HS6ST3: variants seen among roughly 807,000 people sequenced by gnomAD.
HS6ST3 encodes heparan sulfate 6-O-sulfotransferase 3.
Under a neutral mutation model 36.7 loss-of-function variants are expected in HS6ST3, and 12 were observed. That is an observed-to-expected ratio of 0.33 (90% confidence interval 0.21 to 0.53). The LOEUF is 0.53. Among genes scored for constraint, HS6ST3 ranks in the 20% least tolerant of loss-of-function variants. HS6ST3 has a pLI of 0.95. For synonymous variants in HS6ST3, 240 were observed against 257.5 expected (o/e 0.93, Z 0.65); for missense variants, 584 against 640.9 (o/e 0.91, Z 0.96).
At chr13:96,114,041 T>C (rs2053882616) in intron 1 of HS6ST3, among the ~76,000 whole-genome samples, 2 of 152,162 alleles carry the variant, frequency 1.3e-5, no homozygotes, top group South Asian at 4.1e-4. Context: ...AGTGATCAGC[T>C]TTCTATACTT....
chr13:96,406,074 G>A (rs1393596848), intron 1 of HS6ST3, among the ~76,000 whole-genome samples: 2 of 152,078 alleles, frequency 1.3e-5, no homozygotes, highest in African/African-American at 2.4e-5. Context: ...TTTATGCTAG[G>A]TACCACAATT....
chr13:96,635,546 C>T (rs1428641779), intron 1 of HS6ST3, among the ~76,000 whole-genome samples: 3 of 152,180 alleles, frequency 2.0e-5, no homozygotes, highest in Non-Finnish European at 4.4e-5. Flanking sequence ...GGGTTACATA[C>T]CCATCTTGCT....
intron 1 of HS6ST3, among the ~76,000 whole-genome samples, chr13:96,259,061 G>A (rs923801706): frequency 7.9e-5 from 12 of 152,134 alleles, no homozygotes; most frequent in South Asian, 4.1e-4. Context: ...TACATATGCA[G>A]GAAATTAGGG....
chr13:96,121,449 A>G (rs374681685), intron 1 of HS6ST3, among the ~76,000 whole-genome samples: 1 of 152,186 alleles, frequency 6.6e-6, no homozygotes, highest in Non-Finnish European at 1.5e-5. Flanking sequence ...TTCATTTACA[A>G]CATACGTTGA....
chr13:96,589,304 T>G (rs2056374321), intron 1 of HS6ST3, among the ~76,000 whole-genome samples: 1 of 152,104 alleles, frequency 6.6e-6, no homozygotes, highest in African/African-American at 2.4e-5. Flanking sequence ...ATTATGCATT[T>G]CTTTTAGGTT....
At chr13:96,312,927 G>T (rs1319113335) in intron 1 of HS6ST3, among the ~76,000 whole-genome samples, 2 of 144,104 alleles carry the variant, frequency 1.4e-5, no homozygotes, top group East Asian at 4.0e-4. Flanking sequence ...ACTCCAGCCT[G>T]GGTGACAGAG....
chr13:96,659,701 T>C (rs947317801), intron 1 of HS6ST3, among the ~76,000 whole-genome samples: 4 of 152,132 alleles, frequency 2.6e-5, no homozygotes, highest in Admixed American at 2.0e-4. Context: ...ATGTTCATTT[T>C]TTTGGTCTCA....
intron 1 of HS6ST3, among the ~76,000 whole-genome samples, chr13:96,767,140 C>T (rs538824924): frequency 2.6e-5 from 4 of 152,154 alleles, no homozygotes; most frequent in African/African-American, 4.8e-5. Context: ...AAATCCTATC[C>T]GTGATCTTTG....
Position 96,142,355 on chromosome 13 carries a change from TA to T in HS6ST3, c.707+50788del, listed in dbSNP as rs1468477631. On this transcript the variant is annotated intron_variant, in intron 1 of 1. Coordinates refer to ENST00000376705, the MANE Select transcript of HS6ST3 (RefSeq NM_153456.4). ...GCATTGTCCTTTTGTATTTTTTGGATAAGTCATTCTCCTGGAAAACACTTTT... is the reference window on the plus strand; with the variant it reads ...GCATTGTCCTTTTGTATTTTTTGGATAGTCATTCTCCTGGAAAACACTTTT... 3.3e-5 allele frequency among the ~76,000 whole-genome samples: 5 copies of T among 152,346 alleles called. 1 individual carries two copies. In the South Asian group the frequency reaches 1.0e-3, roughly 32 times the overall value.
At chr13:96,228,223 T>C (rs1233694141) in intron 1 of HS6ST3, among the ~76,000 whole-genome samples, 1 of 152,244 alleles carries the variant, frequency 6.6e-6, no homozygotes, top group Non-Finnish European at 1.5e-5. Context: ...TTTATGGCTA[T>C]CAAAATTTGA....
intron 1 of HS6ST3, among the ~76,000 whole-genome samples, chr13:96,288,188 T>G (rs973455337): frequency 5.3e-5 from 8 of 152,188 alleles, no homozygotes; most frequent in Admixed American, 4.6e-4. Context: ...ACTGATGTAA[T>G]CCCTCTCTGA....
chr13:96,626,469 T>C (rs535567850), intron 1 of HS6ST3, among the ~76,000 whole-genome samples: 1 of 152,192 alleles, frequency 6.6e-6, no homozygotes, highest in Non-Finnish European at 1.5e-5. Flanking sequence ...CATTGGTTTA[T>C]TTAAATGTAT....
At chr13:96,255,053 T>G (rs1057430532) in intron 1 of HS6ST3, among the ~76,000 whole-genome samples, 1 of 152,234 alleles carries the variant, frequency 6.6e-6, no homozygotes, top group Non-Finnish European at 1.5e-5. Flanking sequence ...CCATTTTTCT[T>G]ACTTTTGGAA....
chr13:96,679,520 TG>T (rs1253638411), intron 1 of HS6ST3, among the ~76,000 whole-genome samples: 6 of 152,136 alleles, frequency 3.9e-5, no homozygotes, highest in Non-Finnish European at 8.8e-5. Context: ...TTTACTCTCC[TG>T]TTTCTCATCC....
chr13:96,744,038 A>G (rs977285437), intron 1 of HS6ST3, among the ~76,000 whole-genome samples: 4 of 151,984 alleles, frequency 2.6e-5, no homozygotes, highest in African/African-American at 9.6e-5. Context: ...TTTAATTCTC[A>G]TTTAAAGAAT....
intron 1 of HS6ST3, among the ~76,000 whole-genome samples, chr13:96,652,991 G>T (rs188553022): frequency 6.6e-6 from 1 of 152,104 alleles, no homozygotes; most frequent in East Asian, 1.9e-4. Context: ...TTGACTGTTT[G>T]TTCTCCAAGA....
chr13:96,748,375 G>A (rs1353016373), intron 1 of HS6ST3, among the ~76,000 whole-genome samples: 1 of 151,978 alleles, frequency 6.6e-6, no homozygotes, highest in Non-Finnish European at 1.5e-5. Context: ...AAAAGGGTAG[G>A]AATCAGGGGG....
intron 1 of HS6ST3, among the ~76,000 whole-genome samples, chr13:96,175,005 A>G (rs1361200573): frequency 2.0e-5 from 3 of 152,198 alleles, no homozygotes; most frequent in African/African-American, 4.8e-5. Flanking sequence ...TTAAAAAATT[A>G]TGGCTTTTAT....
At chr13:96,358,898 A>G (rs898172244) in intron 1 of HS6ST3, among the ~76,000 whole-genome samples, 5 of 152,020 alleles carry the variant, frequency 3.3e-5, no homozygotes, top group South Asian at 2.1e-4. Flanking sequence ...CTATCTATCT[A>G]TCTATCTATC....
Sources: allele counts gnomAD v4.1 joint callset (sites outside exome capture counted in the v4.1 genomes callset), GRCh38; gene constraint gnomAD v4.1.1; transcripts MANE v1.5; gene names NCBI Gene and HGNC (gene_info 2026-07-23, HGNC 2026-07-21).